RBFOX1: variants seen among roughly 807,000 people sequenced by gnomAD.
RBFOX1 encodes RNA binding fox-1 homolog 1.
RBFOX1 carries 8 observed loss-of-function variants against 57.7 expected under a neutral mutation model. The ratio of observed to expected loss-of-function variants is 0.14; its 90% CI spans 0.08 to 0.25. RBFOX1 has a LOEUF of 0.25. Among genes scored for constraint, RBFOX1 ranks in the 10% least tolerant of loss-of-function variants. The pLI, the probability that RBFOX1 is intolerant of heterozygous loss-of-function variation, is 1.00. For missense variants in RBFOX1, 611 were observed against 548.5 expected (o/e 1.11, Z -1.14); for synonymous variants, 326 against 222.4 (o/e 1.47, Z -4.15).
chr16:6,862,409 C>G (rs531454924), intron 3 of RBFOX1, among the ~76,000 whole-genome samples: 2 of 152,222 alleles, frequency 1.3e-5, no homozygotes, highest in East Asian at 3.9e-4. Flanking sequence ...GGAAGAGAGT[C>G]AAATAAAAAT....
Position 5,340,949 on chromosome 16 carries a change from G to A in RBFOX1, c.219+100844G>A, listed in dbSNP as rs567162029. ...GTGGCTACTGTAGAAAAGGGGTTCGGGGAAGTCTTCCTCAAAAAGATGACA... is the reference window on the plus strand; with the variant it reads ...GTGGCTACTGTAGAAAAGGGGTTCGAGGAAGTCTTCCTCAAAAAGATGACA... On this transcript the variant is annotated intron_variant, in intron 1 of 2. Coordinates refer to the RBFOX1 transcript ENST00000585867. Among the ~76,000 whole-genome samples the A allele has an allele frequency of 9.5e-4, 144 of 152,248 alleles. 1 individual carries two copies. In the Middle Eastern group the frequency reaches 0.014, roughly 14 times the overall value.
chr16:5,686,172 A>G (rs954299619), intron 3 of RBFOX1, among the ~76,000 whole-genome samples: 2 of 152,184 alleles, frequency 1.3e-5, no homozygotes, highest in African/African-American at 2.4e-5. Flanking sequence ...ACCAAGCAAC[A>G]TGGAATGTAG....
At chr16:7,410,626 A>C (rs1375855914) in intron 4 of RBFOX1, among the ~76,000 whole-genome samples, 4 of 152,174 alleles carry the variant, frequency 2.6e-5, no homozygotes, top group African/African-American at 9.6e-5. Context: ...GCAGTGAGCC[A>C]AGATTGTGCC....
At chr16:6,480,488 A>G (rs900202615) in intron 2 of RBFOX1, among the ~76,000 whole-genome samples, 2 of 152,238 alleles carry the variant, frequency 1.3e-5, no homozygotes, top group Admixed American at 6.5e-5. Flanking sequence ...TTTACACATC[A>G]CGAAATATTA....
intron 3 of RBFOX1, among the ~76,000 whole-genome samples, chr16:5,788,858 A>G (rs1394806004): frequency 1.3e-5 from 2 of 152,060 alleles, no homozygotes; most frequent in African/African-American, 2.4e-5. Context: ...AGAGGCCCCA[A>G]AAGCAATTCA....
chr16:7,432,014 C>T (rs932177524), intron 4 of RBFOX1, among the ~76,000 whole-genome samples: 2 of 152,236 alleles, frequency 1.3e-5, no homozygotes, highest in Non-Finnish European at 2.9e-5. Context: ...AGAAGGTCCG[C>T]TCCTTCCACT....
At chr16:7,610,948 G>A (rs1220923745) in intron 10 of RBFOX1, among the ~76,000 whole-genome samples, 1 of 147,082 alleles carries the variant, frequency 6.8e-6, no homozygotes, top group Non-Finnish European at 1.5e-5. Flanking sequence ...AATTCTGAGT[G>A]TGCCTCAAAG....
At chr16:7,085,645 A>G (rs183253304) in intron 4 of RBFOX1, among the ~76,000 whole-genome samples, 9 of 152,284 alleles carry the variant, frequency 5.9e-5, no homozygotes, top group Admixed American at 3.9e-4. Context: ...AAGTTTTCCT[A>G]TCAGAAAGGG....
chr16:6,605,664 T>C (rs926162062), intron 2 of RBFOX1, among the ~76,000 whole-genome samples: 4 of 152,216 alleles, frequency 2.6e-5, no homozygotes, highest in Non-Finnish European at 5.9e-5. Flanking sequence ...GAAATATTTA[T>C]TGGGTACTGG....
At chr16:5,707,395 A>C (rs1436419406) in intron 3 of RBFOX1, among the ~76,000 whole-genome samples, 1 of 152,220 alleles carries the variant, frequency 6.6e-6, no homozygotes, top group Non-Finnish European at 1.5e-5. Flanking sequence ...TCAGAGCTGA[A>C]GTGTCTTGTG....
chr16:5,682,743 T>C lies in RBFOX1; in HGVS notation c.318+83782T>C, dbSNP rs144408789. 8.5e-5 allele frequency among the ~76,000 whole-genome samples: 13 copies of C among 152,322 alleles called. No homozygotes were observed. The East Asian group carries it at 2.5e-3, about 29-fold the overall frequency. On this transcript the variant is annotated intron_variant, in intron 3 of 19. Coordinates refer to the RBFOX1 transcript ENST00000641259. ...CTATGTTGAAAGAGAGGTGTCTTCA[T>C]CCTTGGCAGCCACACATTGAATTCA...
intron 1 of RBFOX1, among the ~76,000 whole-genome samples, chr16:6,111,140 T>G (rs2096442167): frequency 6.6e-6 from 1 of 152,010 alleles, no homozygotes; most frequent in South Asian, 2.1e-4. Context: ...GGGCATTTCA[T>G]AAAGAAAAAT....
At chr16:7,448,417 G>C (rs2098825021) in intron 4 of RBFOX1, among the ~76,000 whole-genome samples, 1 of 152,170 alleles carries the variant, frequency 6.6e-6, no homozygotes, top group African/African-American at 2.4e-5. Context: ...GAAGGCAAAG[G>C]AGGTGCAAAG....
chr16:6,946,851 C>T (rs573891659), intron 3 of RBFOX1, among the ~76,000 whole-genome samples: 14 of 152,264 alleles, frequency 9.2e-5, no homozygotes, highest in African/African-American at 2.9e-4. Flanking sequence ...TCAAGCAATC[C>T]TCCTGCCTTG....
At chr16:5,531,521 G>T (rs532416856) in intron 2 of RBFOX1, among the ~76,000 whole-genome samples, 7 of 152,136 alleles carry the variant, frequency 4.6e-5, no homozygotes, top group Non-Finnish European at 8.8e-5. Context: ...AGGGACTGTT[G>T]AAAAAATGTG....
chr16:5,467,141 A>G, intron 1 of RBFOX1: 1 of 1,370,832 alleles, frequency 7.3e-7, no homozygotes, highest in Non-Finnish European at 9.8e-7. Context: ...AAACAAAGCC[A>G]AAGCAATTGT....
At position 5,896,403 on chromosome 16, in the gene RBFOX1, G is replaced by T. The variant is rs555462712; in HGVS notation, c.351+29068G>T. On this transcript the variant is annotated intron_variant, in intron 4 of 19. Coordinates refer to the RBFOX1 transcript ENST00000641259. ...GTTCTCACTCTGTAAGTCCCCTTGA[G>T]AACTGATTGCTAAAAAAACCTGGCA... Among the ~76,000 whole-genome samples the T allele has an allele frequency of 5.3e-5, 8 of 152,182 alleles. No homozygotes were observed. The East Asian group carries it at 1.6e-3, about 30-fold the overall frequency.
intron 3 of RBFOX1, among the ~76,000 whole-genome samples, chr16:6,767,400 C>G (rs1048773241): frequency 1.3e-5 from 2 of 152,198 alleles, no homozygotes; most frequent in East Asian, 1.9e-4. Context: ...AGGGCTAGGA[C>G]TGAGTTCCAA....
At chr16:7,164,430 C>T (rs528669454) in intron 4 of RBFOX1, among the ~76,000 whole-genome samples, 6 of 152,298 alleles carry the variant, frequency 3.9e-5, no homozygotes, top group African/African-American at 1.4e-4. Flanking sequence ...AAACATACGT[C>T]TACAAGTGTC....
Sources: gnomAD v4.1 joint callset for allele counts (sites outside exome capture counted in the v4.1 genomes callset) on GRCh38, gnomAD v4.1.1 for gene constraint, MANE v1.5 for transcripts, NCBI Gene and HGNC (gene_info 2026-07-23, HGNC 2026-07-21) for gene names.